Variants in RGL3 observed in about 807,000 individuals in gnomAD.
The protein encoded by RGL3 is ral guanine nucleotide dissociation stimulator like 3.
A neutral mutation model predicts 90.6 loss-of-function variants in RGL3; 85 were observed. That is an observed-to-expected ratio of 0.94 (90% CI 0.79 to 1.12). The LOEUF is 1.12. Ranked by LOEUF, RGL3 falls within the 50% of genes most tolerant of loss-of-function variation. The pLI is 0.00. For missense variants in RGL3, 1,034 were observed against 939.2 expected (o/e 1.10, Z -1.32); for synonymous variants, 408 against 385.5 (o/e 1.06, Z -0.68).
rs1555720090 is a variant in RGL3 at position 11,414,155 on chromosome 19, A to ATACACC, written c.637+1781_637+1782insGGTGTA. Among the ~76,000 whole-genome samples the ATACACC allele has an allele frequency of 3.4e-5, 3 of 88,020 alleles. No homozygotes were observed. The South Asian group carries it at 1.4e-3, about 41-fold the overall frequency. 57.7% of individuals were successfully genotyped at this position (88,020 alleles called of 152,430 possible). A position where few individuals can be genotyped will look rare whatever the true frequency, so the allele number is the denominator to read the frequency against. On this transcript the variant is annotated intron_variant, in intron 5 of 18. Transcript: ENST00000380456. ...AAATCATATATATATATATATATATATATATATATATATATATATATACAC... is the reference window on the plus strand; with the variant it reads ...AAATCATATATATATATATATATATATACACCTATATATATATATATATATATACAC...
chr19:11,415,523 G>A (rs1245002112), intron 5 of RGL3, among the ~76,000 whole-genome samples: 2 of 151,926 alleles, frequency 1.3e-5, no homozygotes, highest in Admixed American at 6.6e-5. Flanking sequence ...TTGTCCAGGC[G>A]AGAGTGCAAT....
intron 18 of RGL3, among the ~76,000 whole-genome samples, chr19:11,394,952 G>C (rs933983736): frequency 6.6e-6 from 1 of 151,762 alleles, no homozygotes. Flanking sequence ...AATGAGCTAG[G>C]CATGGTGGCA....
rs752017069 is a variant in RGL3, at chr19:11,418,799, G to A, written c.34-15C>T. On this transcript the variant is annotated splice_polypyrimidine_tract_variant and intron_variant, in intron 1 of 18. Transcript: ENST00000380456. The stretch of plus-strand genomic sequence containing the variant: ...TGCAGCGGTGCCTGGACGCACAGGC[G>A]GACTCAGGGCACCAAAGGGGCACAG... 4 of 1,533,324 alleles carry A rather than the reference G, an allele frequency of 2.6e-6. No homozygotes were observed. Among genetic ancestry groups the A allele is most frequent in the Non-Finnish European group, 2.6e-6 (3 of 1,142,154 alleles). 95.0% of individuals were successfully genotyped at this position (1,533,324 alleles called of 1,614,324 possible). A position where few individuals can be genotyped will look rare whatever the true frequency, so the allele number is the denominator to read the frequency against.
At chr19:11,409,412 C>T (rs1427550898) in intron 5 of RGL3, among the ~76,000 whole-genome samples, 2 of 151,772 alleles carry the variant, frequency 1.3e-5, no homozygotes, top group East Asian at 1.9e-4. Context: ...ACCGGCGAGG[C>T]GGAGCTTGCA....
chr19:11,410,980 G>A (rs988688244), intron 5 of RGL3, among the ~76,000 whole-genome samples: 1 of 151,838 alleles, frequency 6.6e-6, no homozygotes, highest in African/African-American at 2.4e-5. Flanking sequence ...AGGCCGATGT[G>A]GGCAGATCAC....
rs766284078 is a variant in RGL3 at position 11,397,454 on chromosome 19, T to G, written c.1890A>C (p.Arg630=). 6.2e-7 allele frequency: 1 copy of G among 1,608,636 alleles called. No individual in the cohort carries two copies. The highest frequency in any genetic ancestry group is 1.1e-5 in the South Asian group (1 of 90,394). Residue 630 remains arginine, a synonymous_variant, in exon 17 of 19, where the codon CGA becomes CGC. Transcript: ENST00000380456. ...CAGCCCAGCCCCTCACCAAGATGCT[T>G]CGATACAGGTTCCCGTGGTCATTGT... The part of the protein sequence containing the change: ...SIDNDHGNLY[R]SILLTSQDKA...
chr19:11,404,374 A>C lies in RGL3; in HGVS notation c.1185+773T>G, dbSNP rs145272077. ...AAAACCCCGTCTCTACCAAATACAA[A>C]AATTAGCCAAGCGTCGTGGTGGGTG... On this transcript the variant is annotated intron_variant, in intron 9 of 18. Transcript: ENST00000380456. Among the ~76,000 whole-genome samples, 59 of 152,278 alleles carry C rather than the reference A, an allele frequency of 3.9e-4. 1 individual carries two copies. In the East Asian group the frequency reaches 9.3e-3, roughly 24 times the overall value.
intron 5 of RGL3, among the ~76,000 whole-genome samples, chr19:11,413,356 T>A (rs1406871273): frequency 6.6e-6 from 1 of 151,160 alleles, no homozygotes; most frequent in Non-Finnish European, 1.5e-5. Flanking sequence ...ACCAACATAG[T>A]GAAACGCTGT....
intron 16 of RGL3, among the ~76,000 whole-genome samples, chr19:11,399,333 G>A (rs924247432): frequency 3.3e-5 from 5 of 152,078 alleles, no homozygotes; most frequent in East Asian, 3.9e-4. Context: ...TTGGGAGGCC[G>A]AGGTGAGTGC....
At position 11,406,431 on chromosome 19, in the gene RGL3, G is replaced by GATCCACTTCTCCAGCCGCTGCGC. The variant is rs1244880693; in HGVS notation, c.961_983dup (p.Ile328MetfsTer46). 3 of 1,538,470 alleles carry GATCCACTTCTCCAGCCGCTGCGC rather than the reference G, an allele frequency of 1.9e-6. No individual in the cohort carries two copies. The South Asian group carries it at 3.6e-5, about 18-fold the overall frequency. On this transcript the variant is annotated frameshift_variant, in exon 7 of 19. Coordinates refer to ENST00000380456, the MANE Select transcript of RGL3 (RefSeq NM_001035223.4). LOFTEE classifies it high-confidence loss of function. Reference sequence around the variant, plus strand: ...GCCCGCAACACACCTGGGCGATGCGGATCCACTTCTCCAGCCGCTGCGCCC... The same window carrying GATCCACTTCTCCAGCCGCTGCGC: ...GCCCGCAACACACCTGGGCGATGCGGATCCACTTCTCCAGCCGCTGCGCATCCACTTCTCCAGCCGCTGCGCCC...
Position 11,402,654 on chromosome 19 carries a change from G to A in RGL3, c.1238C>T (p.Pro413Leu), listed in dbSNP as rs143362235. 1.9e-6 allele frequency: 3 copies of A among 1,613,880 alleles called. No individual in the cohort carries two copies. Among genetic ancestry groups the A allele is most frequent in the Admixed American group, 3.3e-5 (2 of 59,926 alleles). The change falls in exon 10 of 19, where the codon CCC (proline) becomes CTC (leucine). Residue 413 changes from proline (P) to leucine (L), a missense_variant. Physicochemically the swap from Pro to Leu is moderately conservative, Grantham distance 98. Transcript: ENST00000380456. The part of the protein sequence containing the change: ...QEEDNTPGSL[P>L]SKPPPGPVPY... ...TCCCAAACTGTAATCACTCACTGAG[G>A]GCAGGCTGCCTGGGGTGTTGTCCTC...
intron 16 of RGL3, among the ~76,000 whole-genome samples, chr19:11,398,650 T>C (rs1430718839): frequency 6.6e-6 from 1 of 150,734 alleles, no homozygotes. Flanking sequence ...CCAGCCTTCA[T>C]TTCCTTCATT....
At chr19:11,396,150 ATATATATATTTTTTTTTTT>A (rs1968565334) in intron 18 of RGL3, among the ~76,000 whole-genome samples, 1 of 69,608 alleles carries the variant, frequency 1.4e-5, no homozygotes, top group African/African-American at 6.6e-5. Flanking sequence ...ATATATATAT[ATATATATATTTTTTTTTTT>A]TTTTTTTTTT....
chr19:11,396,670 T>A (rs577473145), intron 18 of RGL3, among the ~76,000 whole-genome samples: 1 of 150,602 alleles, frequency 6.6e-6, no homozygotes, highest in African/African-American at 2.4e-5. Context: ...GTCTTTTTTT[T>A]TTTTTTTTTT....
In RGL3 at chr19:11,402,738, G is replaced by C. The variant is rs748851090; in HGVS notation, c.1186-32C>G. 5 of 1,591,224 alleles carry C rather than the reference G, an allele frequency of 3.1e-6. No individual in the cohort carries two copies. In the South Asian group the frequency reaches 4.4e-5, roughly 14 times the overall value. ...GAAGAGAAAAACTGAGCCAGGTCTG[G>C]GGTCTCCTTGGACAATTCCTCAGGA... On this transcript the variant is annotated intron_variant, in intron 9 of 18. Coordinates refer to ENST00000380456, the MANE Select transcript of RGL3 (RefSeq NM_001035223.4).
chr19:11,414,791 G>A (rs1968965145), intron 5 of RGL3, among the ~76,000 whole-genome samples: 1 of 151,666 alleles, frequency 6.6e-6, no homozygotes, highest in African/African-American at 2.4e-5. Context: ...AGAACAACAG[G>A]TCCTCCTCTC....
chr19:11,410,807 C>G (rs1599439892), intron 5 of RGL3, among the ~76,000 whole-genome samples: 1 of 151,926 alleles, frequency 6.6e-6, no homozygotes, highest in South Asian at 2.1e-4. Context: ...TGAGGTAAGT[C>G]GAAAAGAATG....
chr19:11,413,522 G>A (rs1174054463), intron 5 of RGL3, among the ~76,000 whole-genome samples: 4 of 130,756 alleles, frequency 3.1e-5, no homozygotes, highest in South Asian at 2.6e-4. Flanking sequence ...GTGACAGAGC[G>A]AGGCTCCGTC....
At position 11,398,352 on chromosome 19, in the gene RGL3, T is replaced by TC. The variant is rs565503295; in HGVS notation, c.1747-756dup. 2.3e-3 allele frequency among the ~76,000 whole-genome samples: 349 copies of TC among 152,180 alleles called. 1 individual carries two copies. The highest frequency in any genetic ancestry group is 4.4e-3 in the Admixed American group (67 of 15,274). The stretch of plus-strand genomic sequence containing the variant: ...TACACAGATTCTTTTCTTTTTCTTT[T>TC]CTTTTTTTTTTGAGACAGAGTCTTG... On this transcript the variant is annotated intron_variant, in intron 16 of 18. Transcript: ENST00000380456.
Sources: gnomAD v4.1 joint callset for allele counts (sites outside exome capture counted in the v4.1 genomes callset) on GRCh38, gnomAD v4.1.1 for gene constraint, MANE v1.5 for transcripts, NCBI Gene and HGNC (gene_info 2026-07-23, HGNC 2026-07-21) for gene names.